Variants in FGF3 observed in about 807,000 individuals in gnomAD.
FGF3 encodes fibroblast growth factor 3.
A neutral mutation model predicts 9.8 loss-of-function variants in FGF3; 7 were observed. That is an observed-to-expected ratio of 0.72 (90% CI 0.41 to 1.35). The LOEUF (loss-of-function observed/expected upper bound fraction) is 1.35. Ranked by LOEUF, FGF3 falls within the 40% of genes most tolerant of loss-of-function variation. The pLI, the probability that FGF3 is intolerant of heterozygous loss-of-function variation, is 0.01. For synonymous variants in FGF3, 173 were observed against 157.2 expected, an observed-to-expected ratio of 1.10 and a Z score of -0.75; for missense variants, 390 against 345.6, an observed-to-expected ratio of 1.13 and a Z score of -1.02.
intron 2 of FGF3, among the ~76,000 whole-genome samples, chr11:69,813,494 G>A (rs1477190960): frequency 2.0e-5 from 3 of 152,236 alleles, no homozygotes; most frequent in African/African-American, 7.2e-5. Context: ...GCAACACATG[G>A]TAAGTGCCCA....
In FGF3 at chr11:69,810,119, G is replaced by A. The variant is rs1855998265; in HGVS notation, c.*186C>T. 3.4e-6 allele frequency: 2 copies of A among 584,998 alleles called. No individual in the cohort carries two copies. The allele number at this position is 584,998 out of a possible 1,614,324, so 36.2% of individuals were successfully genotyped here. On this transcript the variant is annotated 3_prime_UTR_variant, in exon 3 of 3. Coordinates refer to ENST00000334134, the MANE Select transcript of FGF3 (RefSeq NM_005247.4). The stretch of plus-strand genomic sequence containing the variant: ...CCACAAATGCCCTGCATTGCAGGCA[G>A]CCCCCTCCGAGCTCCGACTTGGGCC...
intron 2 of FGF3, among the ~76,000 whole-genome samples, chr11:69,815,577 C>G (rs574398810): frequency 6.6e-6 from 1 of 152,174 alleles, no homozygotes; most frequent in Non-Finnish European, 1.5e-5. Context: ...GTCAGCCAGG[C>G]TACTCATGGA....
At chr11:69,814,578 C>T (rs1046435854) in intron 2 of FGF3, among the ~76,000 whole-genome samples, 1 of 152,062 alleles carries the variant, frequency 6.6e-6, no homozygotes, top group Non-Finnish European at 1.5e-5. Context: ...CCGGCAAAGT[C>T]CAGGGAGCCC....
Position 69,818,839 on chromosome 11 carries a change from C to A in FGF3, c.95G>T (p.Arg32Leu). 6.8e-7 allele frequency: 1 copy of A among 1,476,020 alleles called. No homozygotes were observed. Among genetic ancestry groups the A allele is most frequent in the Non-Finnish European group, 8.9e-7 (1 of 1,120,052 alleles). The allele number at this position is 1,476,020 out of a possible 1,614,324, so 91.4% of individuals were successfully genotyped here. ...GARLRRDAGG[R>L]GGVYEHLGGA... The stretch of plus-strand genomic sequence containing the variant: ...GCCAAGGTGCTCGTAGACGCCGCCA[C>A]GGCCGCCCGCATCGCGCCGCAACCG... Residue 32 changes from arginine to leucine, a missense_variant, in exon 1 of 3, where the codon CGT becomes CTT. Transcript: ENST00000334134.
At chr11:69,815,534 G>C (rs1856116669) in intron 2 of FGF3, among the ~76,000 whole-genome samples, 1 of 152,198 alleles carries the variant, frequency 6.6e-6, no homozygotes, top group Non-Finnish European at 1.5e-5. Context: ...ACTGAGCAGA[G>C]AGCTCACTGC....
chr11:69,816,526 G>T, intron 1 of FGF3, 103 bp from the exon 2 acceptor site: 1 of 845,496 alleles, frequency 1.2e-6, no homozygotes, highest in Admixed American at 1.9e-5. Flanking sequence ...CAGGGCTGGG[G>T]AGGGTAGCAC....
intron 1 of FGF3, among the ~76,000 whole-genome samples, chr11:69,818,195 G>A (rs1247076512): frequency 6.6e-6 from 1 of 152,246 alleles, no homozygotes; most frequent in Non-Finnish European, 1.5e-5. Flanking sequence ...GCAGCCGCGA[G>A]CGGGGAGGGC....
intron 2 of FGF3, 30 bp downstream of exon 2, chr11:69,816,290 G>C: frequency 6.5e-7 from 1 of 1,533,810 alleles, no homozygotes; most frequent in East Asian, 2.3e-5. Flanking sequence ...TACTCCGTCA[G>C]CGCCCACCCA....
chr11:69,814,569 C>T (rs1270605431), intron 2 of FGF3, among the ~76,000 whole-genome samples: 1 of 151,988 alleles, frequency 6.6e-6, no homozygotes, highest in Non-Finnish European at 1.5e-5. Flanking sequence ...AGCATGCTGC[C>T]GGCAAAGTCC....
At chr11:69,817,652 C>T (rs1241468986) in intron 1 of FGF3, 1 of 152,268 alleles carries the variant, frequency 6.6e-6, no homozygotes, top group South Asian at 2.1e-4. Flanking sequence ...AGGGCTGCGG[C>T]TTTCCTGGAG....
At chr11:69,814,929 A>G (rs76737559) in intron 2 of FGF3, among the ~76,000 whole-genome samples, 3,691 of 152,318 alleles carry the variant, frequency 0.024, 128 homozygotes, top group African/African-American at 0.083. Flanking sequence ...CTATGGCAGA[A>G]GCTGGCACCA....
intron 2 of FGF3, among the ~76,000 whole-genome samples, chr11:69,813,981 A>G (rs116993943): frequency 6.6e-6 from 1 of 151,532 alleles, no homozygotes; most frequent in East Asian, 1.9e-4. Flanking sequence ...AAAGGATGGA[A>G]GGAAGGAGGG....
chr11:69,813,768 G>GTGGAGGGA (rs1856072221), intron 2 of FGF3, among the ~76,000 whole-genome samples: 1 of 68,076 alleles, frequency 1.5e-5, no homozygotes, highest in East Asian at 5.7e-4. Flanking sequence ...GGGTGGATGG[G>GTGGAGGGA]TGGATGGATG....
intron 2 of FGF3, among the ~76,000 whole-genome samples, chr11:69,811,332 C>A (rs2119909035): frequency 6.6e-6 from 1 of 151,884 alleles, no homozygotes; most frequent in South Asian, 2.1e-4. Context: ...CGCCCACAAT[C>A]CCAGCTACTT....
At chr11:69,818,109 C>T (rs1024852768) in intron 1 of FGF3, among the ~76,000 whole-genome samples, 1 of 152,030 alleles carries the variant, frequency 6.6e-6, no homozygotes, top group East Asian at 1.9e-4. Flanking sequence ...CTGTCGGTGG[C>T]GGCCGCGGCC....
rs1855999576 is a variant in FGF3, at chr11:69,810,159, C to G, written c.*146G>C. On this transcript the variant is annotated 3_prime_UTR_variant, in exon 3 of 3. Transcript: ENST00000334134. ...CGACTTGGGCCCTCTTCAGTTCCCA[C>G]TGGACCCTGATTTGAGCTGGCTCTG... 9 of 816,884 alleles carry G rather than the reference C, an allele frequency of 1.1e-5. No homozygotes were observed. Among genetic ancestry groups the G allele is most frequent in the Non-Finnish European group, 1.7e-5 (9 of 539,742 alleles). The allele number at this position is 816,884 out of a possible 1,614,324, so 50.6% of individuals were successfully genotyped here.
chr11:69,810,533 G>C lies in FGF3; in HGVS notation c.492C>G (p.Arg164=). Residue 164 remains arginine, a synonymous_variant, in exon 3 of 3, where the codon CGC becomes CGG. Coordinates refer to ENST00000334134, the MANE Select transcript of FGF3 (RefSeq NM_005247.4). Reference sequence around the variant, plus strand: ...GTGTGCGGCGGGTCTTGAAGCCCCTGCGGGGCCGGCCCTTGCCGTTCACAG... The same window carrying C: ...GTGTGCGGCGGGTCTTGAAGCCCCTCCGGGGCCGGCCCTTGCCGTTCACAG... ...YVSVNGKGRP[R]RGFKTRRTQK... is the part of the protein sequence containing the mutation. 1 of 1,611,812 alleles carries C rather than the reference G, an allele frequency of 6.2e-7. No individual in the cohort carries two copies. Among genetic ancestry groups the C allele is most frequent in the Non-Finnish European group, 8.5e-7 (1 of 1,179,362 alleles).
At position 69,810,452 on chromosome 11, in the gene FGF3, C is replaced by T. The variant is rs2119904665; in HGVS notation, c.573G>A (p.Val191=). The change falls in exon 3 of 3, where the codon GTG becomes GTA. Residue 191 remains valine (V), a synonymous_variant. Transcript: ENST00000334134. Reference sequence around the variant, plus strand: ...TGGGCAGCCCACTCTGTAGCTGCCGCACCATCTCGTGGTCCCTGTGGTCCA... The same window carrying T: ...TGGGCAGCCCACTCTGTAGCTGCCGTACCATCTCGTGGTCCCTGTGGTCCA... ...RVLDHRDHEM[V]RQLQSGLPRP... is the part of the protein sequence containing the mutation. The T allele has an allele frequency of 2.5e-6, 4 of 1,599,496 alleles. No homozygotes were observed. In the South Asian group the frequency reaches 4.5e-5, roughly 18 times the overall value.
At chr11:69,814,299 G>A (rs1054264989) in intron 2 of FGF3, among the ~76,000 whole-genome samples, 5 of 152,010 alleles carry the variant, frequency 3.3e-5, no homozygotes, top group African/African-American at 9.7e-5. Context: ...ATGCAGGGGC[G>A]TGGTCTGAGG....
Sources: allele counts gnomAD v4.1 joint callset (sites outside exome capture counted in the v4.1 genomes callset), GRCh38; gene constraint gnomAD v4.1.1; transcripts MANE v1.5; gene names NCBI Gene and HGNC (gene_info 2026-07-23, HGNC 2026-07-21).